Variants in ADAMTS13 observed in about 807,000 individuals in gnomAD.
The protein encoded by ADAMTS13 is A disintegrin and metalloproteinase with thrombospondin motifs 13.
In ADAMTS13, 110 loss-of-function variants were observed where a neutral mutation model predicts 155.1. The ratio of observed to expected loss-of-function variants is 0.71; its 90% CI spans 0.61 to 0.83. The LOEUF (loss-of-function observed/expected upper bound fraction) is 0.83, where lower values mean the gene tolerates loss of function less well. Ranked by LOEUF, ADAMTS13 falls within the 40% of genes least tolerant of loss-of-function variation. ADAMTS13 has a pLI of 0.00. For synonymous variants in ADAMTS13, 758 were observed against 756.4 expected (o/e 1.00, Z -0.03); for missense variants, 1,707 against 1,891.7 (o/e 0.90, Z 1.81).
chr9:133,414,529 G>A (rs782418553), exon 1 of ADAMTS13: 12 of 817,742 alleles, frequency 1.5e-5, no homozygotes, highest in South Asian at 2.8e-5. Context: ...AAGTAACAGC[G>A]AGTAAACAAA....
At chr9:133,418,075 T>A, upstream of ADAMTS13, 1 of 548,062 alleles carries the variant, frequency 1.8e-6, no homozygotes, top group South Asian at 2.3e-5. Context: ...GGAAACCGGA[T>A]CCCTGCCTCT....
At chr9:133,422,301 T>TG (rs1554783566), upstream of ADAMTS13, 1 of 809,000 alleles carries the variant, frequency 1.2e-6, no homozygotes, top group African/African-American at 1.7e-5. Context: ...GCCCCTGCCC[T>TG]GGCAGGAAGC....
intron 27 of ADAMTS13, 40 bp from the exon 28 acceptor site, chr9:133,457,870 G>A (rs782547387): frequency 3.7e-6 from 6 of 1,612,494 alleles, no homozygotes; most frequent in African/African-American, 1.3e-5. Context: ...TGGCACCACC[G>A]GTCTGTCTGG....
At chr9:133,444,611 T>C (rs782291240) in intron 19 of ADAMTS13, among the ~76,000 whole-genome samples, 8 of 152,234 alleles carry the variant, frequency 5.3e-5, no homozygotes, top group Admixed American at 2.0e-4. Context: ...GTTCTGTCTC[T>C]GCACCCTGGG....
At chr9:133,427,022 C>G (rs966993477) in intron 6 of ADAMTS13, among the ~76,000 whole-genome samples, 5 of 152,154 alleles carry the variant, frequency 3.3e-5, no homozygotes, top group African/African-American at 1.2e-4. Flanking sequence ...AGGCTGGTCT[C>G]GAACTCCCAA....
rs979155005 is a variant in ADAMTS13 at position 133,428,778 on chromosome 9, G to C, written c.824+7G>C. The C allele has an allele frequency of 8.3e-6, 11 of 1,318,666 alleles. No homozygotes were observed. The highest frequency in any genetic ancestry group is 2.0e-5 in the South Asian group (1 of 50,168). 81.7% of individuals were successfully genotyped at this position (1,318,666 alleles called of 1,614,324 possible). ...AGCTGCTGAGCCTGCTCAGGTAGCG[G>C]CCGCCCCGTGGGAGGGGCGCGCGAG... On this transcript the variant is annotated splice_region_variant and intron_variant, in intron 7 of 28. Coordinates refer to ENST00000355699, the MANE Select transcript of ADAMTS13 (RefSeq NM_139027.6).
upstream of ADAMTS13, chr9:133,417,965 C>G: frequency 1.1e-6 from 1 of 924,978 alleles, no homozygotes; most frequent in Non-Finnish European, 1.6e-6. Flanking sequence ...CGCAGGGACC[C>G]CGTCCAGGAA....
intron 25 of ADAMTS13, 140 bp downstream of exon 25, chr9:133,455,575 C>T (rs147292523): frequency 1.3e-5 from 21 of 1,605,796 alleles, no homozygotes; most frequent in East Asian, 8.9e-5. Context: ...GGCTCCTGCC[C>T]GGGCCCCAGG....
At chr9:133,415,795 G>A (rs1307974046) in intron 1 of ADAMTS13, 2 of 152,248 alleles carry the variant, frequency 1.3e-5, no homozygotes, top group Non-Finnish European at 2.9e-5. Flanking sequence ...AGGAAGAAGA[G>A]TTGGTGTTCA....
At chr9:133,434,921 C>CATGGGCGCTGGTCTAGCTGGG (rs1841062720) in intron 11 of ADAMTS13, among the ~76,000 whole-genome samples, 15 of 152,238 alleles carry the variant, frequency 9.9e-5, no homozygotes, top group Non-Finnish European at 2.1e-4. Context: ...CCCAGCGGCA[C>CATGGGCGCTGGTCTAGCTGGG]GTCCCCAAGG....
In ADAMTS13 at chr9:133,444,870, G is replaced by A. The variant is rs1564431751; in HGVS notation, c.2428G>A (p.Val810Met). 1.2e-6 allele frequency: 2 copies of A among 1,612,850 alleles called. No individual in the cohort carries two copies. The highest frequency in any genetic ancestry group is 1.3e-5 in the African/African-American group (1 of 74,940). ...GTCTCATGCCATCCTCAGGTGGGAG[G>A]TGTCAGAGCCCAGCTCATGCACATC... is the stretch of plus-strand genomic sequence containing the variant. ...NPQPCPARWE[V>M]SEPSSCTSAG... The change falls in exon 20 of 29, where the codon GTG becomes ATG. Residue 810 changes from valine to methionine, a missense_variant. Val to Met is a conservative substitution (Grantham distance 21, BLOSUM62 1). Transcript: ENST00000355699.
chr9:133,428,741 G>A lies in ADAMTS13; in HGVS notation c.794G>A (p.Cys265Tyr). ...CGCGCCGGCCTCGCCTGGTCCCCCT[G>A]CAGCCGCCGGCAGCTGCTGAGCCTG... is the stretch of plus-strand genomic sequence containing the variant. ...APRAGLAWSP[C>Y]SRRQLLSLLS... The change falls in exon 7 of 29, where the codon TGC becomes TAC. Residue 265 changes from cysteine to tyrosine, a missense_variant. This residue lies in a region of ADAMTS13 where 733 missense variants were observed against 749.6 expected (regional missense o/e 0.98). Transcript: ENST00000355699. The A allele has an allele frequency of 7.4e-7, 1 of 1,357,094 alleles. No homozygotes were observed. Among genetic ancestry groups the A allele is most frequent in the Non-Finnish European group, 9.5e-7 (1 of 1,051,430 alleles). 84.1% of individuals were successfully genotyped at this position (1,357,094 alleles called of 1,614,324 possible).
chr9:133,443,763 G>A (rs1841865705), intron 19 of ADAMTS13, among the ~76,000 whole-genome samples: 2 of 152,178 alleles, frequency 1.3e-5, no homozygotes, highest in South Asian at 4.1e-4. Flanking sequence ...TGGGCCCATT[G>A]TTTCCCTCTC....
intron 8 of ADAMTS13, among the ~76,000 whole-genome samples, chr9:133,432,319 CA>C (rs1424930164): frequency 1.3e-5 from 2 of 152,272 alleles, no homozygotes; most frequent in East Asian, 3.9e-4. Context: ...AGCTTCAAGT[CA>C]GTGACAAGTT....
intron 18 of ADAMTS13, among the ~76,000 whole-genome samples, chr9:133,442,954 A>G (rs587719518): frequency 1.3e-5 from 2 of 152,314 alleles, no homozygotes; most frequent in Non-Finnish European, 2.9e-5. Flanking sequence ...TGGGGCAGAC[A>G]TGGTGACAAT....
intron 11 of ADAMTS13, among the ~76,000 whole-genome samples, chr9:133,434,472 A>AT (rs1300941556): frequency 6.6e-6 from 1 of 151,846 alleles, no homozygotes; most frequent in Non-Finnish European, 1.5e-5. Context: ...CGCCCGGCTA[A>AT]TTTTTTGTAT....
chr9:133,453,726 C>G, intron 23 of ADAMTS13, among the ~76,000 whole-genome samples: 1 of 152,150 alleles, frequency 6.6e-6, no homozygotes, highest in Admixed American at 6.5e-5. Flanking sequence ...GCCTCCACAG[C>G]AAATCAGCAT....
At chr9:133,416,493 G>C (rs1839607977) in intron 1 of ADAMTS13, among the ~76,000 whole-genome samples, 1 of 152,168 alleles carries the variant, frequency 6.6e-6, no homozygotes, top group Admixed American at 6.5e-5. Flanking sequence ...GATTACACGT[G>C]TGGGCTACTC....
At chr9:133,433,924 C>T (rs1473399502) in intron 11 of ADAMTS13, among the ~76,000 whole-genome samples, 1 of 151,982 alleles carries the variant, frequency 6.6e-6, no homozygotes, top group Non-Finnish European at 1.5e-5. Context: ...GGTGAAATCT[C>T]GTCTCTACAG....
Sources: gnomAD v4.1 joint callset for allele counts (sites outside exome capture counted in the v4.1 genomes callset) on GRCh38, gnomAD v4.1.1 for gene constraint, gnomAD v4.1.1 regional missense constraint, MANE v1.5 for transcripts, NCBI Gene and HGNC (gene_info 2026-07-23, HGNC 2026-07-21) for gene names.